Variants in PKIB observed in about 807,000 individuals in gnomAD.
PKIB encodes PKI-beta.
A neutral mutation model predicts 4.5 loss-of-function variants in PKIB; 2 were observed. That is an observed-to-expected ratio of 0.44 (90% CI 0.18 to 1.39). The LOEUF (loss-of-function observed/expected upper bound fraction) is 1.39. PKIB is among the 40% of genes most tolerant of loss of function. The pLI, the probability that PKIB is intolerant of heterozygous loss-of-function variation, is 0.27. For synonymous variants in PKIB, 38 were observed against 36.0 expected, an observed-to-expected ratio of 1.06 and a Z score of -0.20; for missense variants, 94 against 92.6, an observed-to-expected ratio of 1.02 and a Z score of -0.06.
At chr6:122,624,369 A>C (rs1451703996) in intron 1 of PKIB, among the ~76,000 whole-genome samples, 1 of 152,200 alleles carries the variant, frequency 6.6e-6, no homozygotes, top group East Asian at 1.9e-4. Flanking sequence ...TTCTATGAAC[A>C]TGAAACATAA....
In PKIB at chr6:122,553,652, T is replaced by C. The variant is rs76512089; in HGVS notation, c.-247-32269T>C. Among the ~76,000 whole-genome samples the C allele has an allele frequency of 2.2e-3, 340 of 152,144 alleles. 8 individuals are homozygous for C. In the East Asian group the frequency reaches 0.044, roughly 20 times the overall value. ...CTTTATATTACCAGATCTTTCATGCTGACCTTTTGTTATATATTAAGAACT... is the reference window on the plus strand; with the variant it reads ...CTTTATATTACCAGATCTTTCATGCCGACCTTTTGTTATATATTAAGAACT... On this transcript the variant is annotated intron_variant, in intron 2 of 6. Coordinates refer to the PKIB transcript ENST00000392491.
intron 2 of PKIB, chr6:122,479,878 A>C (rs1775557391): frequency 6.6e-6 from 1 of 152,180 alleles, no homozygotes; most frequent in Non-Finnish European, 1.5e-5. Flanking sequence ...TATTGACTGT[A>C]AGAGCTTCCC....
chr6:122,504,921 T>C (rs1401536689), intron 2 of PKIB, among the ~76,000 whole-genome samples: 1 of 152,160 alleles, frequency 6.6e-6, no homozygotes, highest in Admixed American at 6.5e-5. Context: ...AGAGACAGGT[T>C]AAGAGTTCTT....
intron 2 of PKIB, among the ~76,000 whole-genome samples, chr6:122,638,689 T>C (rs1469583080): frequency 1.3e-5 from 2 of 152,226 alleles, no homozygotes; most frequent in African/African-American, 4.8e-5. Context: ...TTTTTATCCA[T>C]CCACCTTAAA....
At chr6:122,576,710 A>ATTTTTTTTTT (rs761840714) in intron 2 of PKIB, among the ~76,000 whole-genome samples, 2 of 110,034 alleles carry the variant, frequency 1.8e-5, no homozygotes, top group African/African-American at 7.9e-5. Context: ...ATATATATAT[A>ATTTTTTTTTT]TTTTCTTTTG....
rs377342208 is a variant in PKIB at position 122,539,763 on chromosome 6, C to G, written c.-247-46158C>G. Among the ~76,000 whole-genome samples, 80 of 152,126 alleles carry G rather than the reference C, an allele frequency of 5.3e-4. No individual in the cohort carries two copies. The South Asian group carries it at 1.0e-2, about 19-fold the overall frequency. Reference sequence around the variant, plus strand: ...ATAGTTTCAGAAGGAATGGTACCAGCTCCTCCTTGTACCTCTGGTAGAATT... The same window carrying G: ...ATAGTTTCAGAAGGAATGGTACCAGGTCCTCCTTGTACCTCTGGTAGAATT... On this transcript the variant is annotated intron_variant, in intron 2 of 6. Transcript: ENST00000392491.
At chr6:122,576,055 A>G (rs1014091947) in intron 2 of PKIB, among the ~76,000 whole-genome samples, 1 of 152,244 alleles carries the variant, frequency 6.6e-6, no homozygotes, top group Non-Finnish European at 1.5e-5. Context: ...CAATAATGAT[A>G]CAAGACCAGT....
At chr6:122,708,007 AG>A (rs765134792) in intron 3 of PKIB, among the ~76,000 whole-genome samples, 2 of 152,180 alleles carry the variant, frequency 1.3e-5, no homozygotes, top group Non-Finnish European at 2.9e-5. Flanking sequence ...TTATTTATTG[AG>A]TGCTTGCTGA....
intron 3 of PKIB, among the ~76,000 whole-genome samples, chr6:122,702,465 G>T (rs927132701): frequency 6.6e-6 from 1 of 151,214 alleles, no homozygotes; most frequent in Non-Finnish European, 1.5e-5. Context: ...TAGTGTCTGG[G>T]ATACAGGCAC....
intron 2 of PKIB, among the ~76,000 whole-genome samples, chr6:122,526,396 G>T (rs1447040067): frequency 6.6e-6 from 1 of 152,024 alleles, no homozygotes; most frequent in Non-Finnish European, 1.5e-5. Context: ...CATTCTTTAT[G>T]GCAGCTATAG....
chr6:122,627,792 G>A (rs894150548), intron 1 of PKIB, among the ~76,000 whole-genome samples: 1 of 151,628 alleles, frequency 6.6e-6, no homozygotes, highest in African/African-American at 2.4e-5. Context: ...ACACTTTCAT[G>A]GTCATCCCTC....
chr6:122,711,975 A>G (rs1779288452), intron 3 of PKIB, among the ~76,000 whole-genome samples: 1 of 152,174 alleles, frequency 6.6e-6, no homozygotes, highest in Non-Finnish European at 1.5e-5. Flanking sequence ...GTTCCCTTTG[A>G]CTTACACTAG....
intron 3 of PKIB, chr6:122,701,269 T>C: frequency 1.8e-6 from 1 of 552,636 alleles, no homozygotes; most frequent in Admixed American, 3.1e-5. Flanking sequence ...GGGCTGCCTC[T>C]GCGCCTGTTC....
chr6:122,497,901 C>T (rs1190036337), intron 2 of PKIB, among the ~76,000 whole-genome samples: 1 of 152,156 alleles, frequency 6.6e-6, no homozygotes, highest in Non-Finnish European at 1.5e-5. Flanking sequence ...ATCAACCAAC[C>T]ACAGAATATA....
At chr6:122,698,520 A>G (rs892567792) in intron 3 of PKIB, among the ~76,000 whole-genome samples, 3 of 152,114 alleles carry the variant, frequency 2.0e-5, no homozygotes, top group Admixed American at 2.0e-4. Context: ...AGTAATTGCC[A>G]CTGTAATGGT....
intron 2 of PKIB, among the ~76,000 whole-genome samples, chr6:122,653,687 G>T (rs997845394): frequency 6.6e-6 from 1 of 151,466 alleles, no homozygotes; most frequent in African/African-American, 2.4e-5. Flanking sequence ...CTGGCCAGGC[G>T]CAGTGGCTCC....
chr6:122,699,931 G>C (rs1481515819), intron 3 of PKIB, among the ~76,000 whole-genome samples: 2 of 152,060 alleles, frequency 1.3e-5, no homozygotes, highest in East Asian at 3.9e-4. Context: ...TGTTATGGGG[G>C]ATACCATGTT....
At position 122,616,251 on chromosome 6, in the gene PKIB, G is replaced by A. The variant is rs147149292; in HGVS notation, c.-161+5716G>A. On this transcript the variant is annotated intron_variant, in intron 1 of 4. Coordinates refer to ENST00000368452, the MANE Select transcript of PKIB (RefSeq NM_181795.3). ...ACAAAGGTATGTAGAGCTTCAAAAT[G>A]TGTGGCATGATCAACAAGTCATAGA... 1.7e-3 allele frequency among the ~76,000 whole-genome samples: 252 copies of A among 152,286 alleles called. 3 individuals are homozygous for A. The highest frequency in any genetic ancestry group is 5.6e-3 in the African/African-American group (232 of 41,558).
chr6:122,570,030 G>A (rs1773313377), intron 2 of PKIB, among the ~76,000 whole-genome samples: 1 of 152,184 alleles, frequency 6.6e-6, no homozygotes, highest in Admixed American at 6.5e-5. Context: ...CAACATGGAT[G>A]CACCTACAGA....
Sources: gnomAD v4.1 joint callset for allele counts (sites outside exome capture counted in the v4.1 genomes callset) on GRCh38, gnomAD v4.1.1 for gene constraint, MANE v1.5 for transcripts, NCBI Gene and HGNC (gene_info 2026-07-23, HGNC 2026-07-21) for gene names.